Variants in EHBP1 observed in about 807,000 individuals in gnomAD.
The protein encoded by EHBP1 is EH domain binding protein 1.
Under a neutral mutation model 144.0 loss-of-function variants are expected in EHBP1, and 55 were observed. The observed-to-expected ratio is 0.38, with a 90% CI of 0.31 to 0.48. The LOEUF (loss-of-function observed/expected upper bound fraction) is 0.48. Ranked by LOEUF, EHBP1 falls within the 20% of genes least tolerant of loss-of-function variation. The pLI is 0.98. For synonymous variants in EHBP1, 469 were observed against 472.7 expected (o/e 0.99, Z 0.10); for missense variants, 1,200 against 1,364.2 (o/e 0.88, Z 1.90).
At chr2:63,034,133 A>G (rs1358298853) in intron 19 of EHBP1, among the ~76,000 whole-genome samples, 1 of 152,100 alleles carries the variant, frequency 6.6e-6, no homozygotes, top group East Asian at 1.9e-4. Flanking sequence ...GATTATATTA[A>G]GTAGTCCAAT....
intron 10 of EHBP1, among the ~76,000 whole-genome samples, chr2:62,919,089 T>C (rs1392652696): frequency 2.6e-5 from 4 of 152,214 alleles, no homozygotes; most frequent in African/African-American, 9.6e-5. Flanking sequence ...TGCACAGAGC[T>C]TGTAGAAGCC....
At chr2:62,791,640 A>G (rs2043175002) in intron 5 of EHBP1, among the ~76,000 whole-genome samples, 1 of 152,042 alleles carries the variant, frequency 6.6e-6, no homozygotes, top group African/African-American at 2.4e-5. Flanking sequence ...ATAGGTTATG[A>G]TGTCAAGTTT....
At chr2:62,751,723 G>T (rs146013993) in intron 3 of EHBP1, among the ~76,000 whole-genome samples, 24,289 of 152,128 alleles carry the variant, frequency 0.16, 2,245 homozygotes, top group Middle Eastern at 0.25. Context: ...GAGGGTGTAT[G>T]TGTCCAGGAA....
chr2:62,939,133 G>A (rs753288176), intron 10 of EHBP1, among the ~76,000 whole-genome samples: 3 of 152,230 alleles, frequency 2.0e-5, no homozygotes, highest in South Asian at 4.1e-4. Context: ...TTTAGTGAGA[G>A]CAGACAGATA....
At chr2:62,802,107 T>A (rs2044035474) in intron 5 of EHBP1, among the ~76,000 whole-genome samples, 1 of 152,238 alleles carries the variant, frequency 6.6e-6, no homozygotes, top group East Asian at 1.9e-4. Context: ...AAAACAGAAC[T>A]AATAACTGAT....
chr2:62,854,549 C>CT (rs1470233759), intron 7 of EHBP1, among the ~76,000 whole-genome samples: 1 of 152,074 alleles, frequency 6.6e-6, no homozygotes, highest in Non-Finnish European at 1.5e-5. Context: ...ATTGTTGTGT[C>CT]TGAGAAAATA....
intron 5 of EHBP1, among the ~76,000 whole-genome samples, chr2:62,783,696 G>A (rs535182374): frequency 6.6e-6 from 1 of 152,372 alleles, no homozygotes; most frequent in African/African-American, 2.4e-5. Context: ...ACACAGCAGG[G>A]GAGCCCTGGA....
At chr2:62,944,209 G>A (rs1275172963) in intron 12 of EHBP1, among the ~76,000 whole-genome samples, 3 of 152,192 alleles carry the variant, frequency 2.0e-5, no homozygotes, top group South Asian at 4.1e-4. Flanking sequence ...GGATGAGAAC[G>A]AGAGCCTAAT....
chr2:63,020,068 G>A (rs2060663290), intron 19 of EHBP1, among the ~76,000 whole-genome samples: 1 of 151,940 alleles, frequency 6.6e-6, no homozygotes, highest in Non-Finnish European at 1.5e-5. Context: ...GCTCATGCCT[G>A]TAATTCTAGC....
At chr2:62,728,955 T>C (rs1242716423) in intron 2 of EHBP1, among the ~76,000 whole-genome samples, 2 of 151,918 alleles carry the variant, frequency 1.3e-5, no homozygotes, top group African/African-American at 4.8e-5. Flanking sequence ...GTAAGGAAGG[T>C]GTCTACTTTT....
chr2:62,990,832 G>A lies in EHBP1; in HGVS notation c.2725G>A (p.Asp909Asn). 2 of 1,612,320 alleles carry A rather than the reference G, an allele frequency of 1.2e-6. No homozygotes were observed. The highest frequency in any genetic ancestry group is 2.2e-5 in the East Asian group (1 of 44,792). Residue 909 changes from aspartate to asparagine, a missense_variant, in exon 16 of 23, where the codon GAC becomes AAC. Asp to Asn is a conservative substitution (Grantham distance 23). Transcript: ENST00000431489. The stretch of plus-strand genomic sequence containing the variant: ...AGCTGTAACTGAGAGCTCAGAGCAG[G>A]ACATGAAAGTAAGTCTTACTTGTTT... ...QKAVTESSEQ[D>N]MKSGTEDLRT...
intron 14 of EHBP1, among the ~76,000 whole-genome samples, chr2:62,957,641 CTTTTTT>C (rs1157397512): frequency 4.6e-5 from 4 of 87,174 alleles, no homozygotes; most frequent in African/African-American, 2.1e-4. Context: ...AAAATAAATG[CTTTTTT>C]TTTTTTTTTT....
chr2:62,826,191 G>A lies in EHBP1; in HGVS notation c.417G>A (p.Lys139=), dbSNP rs1363202282. The change falls in exon 6 of 23, where the codon AAG becomes AAA. Residue 139 remains lysine, a synonymous_variant. Coordinates refer to ENST00000431489, the MANE Select transcript of EHBP1 (RefSeq NM_001142616.3). ...PTQTDVKLKF[K]PLSKKVVSAA... ...AGACTGATGTCAAGTTAAAATTCAA[G>A]CCATTATCTAAAAAAGTTGTATCTG... 4 of 1,611,134 alleles carry A rather than the reference G, an allele frequency of 2.5e-6. No individual in the cohort carries two copies. The Admixed American group carries it at 6.7e-5, about 27-fold the overall frequency.
At chr2:62,912,716 T>C (rs2054325539) in intron 10 of EHBP1, among the ~76,000 whole-genome samples, 1 of 152,152 alleles carries the variant, frequency 6.6e-6, no homozygotes, top group Non-Finnish European at 1.5e-5. Flanking sequence ...ACCGGTATGG[T>C]CTGAGTTTAT....
intron 1 of EHBP1, among the ~76,000 whole-genome samples, chr2:62,694,475 C>T (rs1477568682): frequency 4.0e-5 from 6 of 149,334 alleles, no homozygotes; most frequent in African/African-American, 1.5e-4. Flanking sequence ...AGACAAAAAT[C>T]ACCAAAAATA....
chr2:62,969,680 A>G (rs1192409610), intron 14 of EHBP1, among the ~76,000 whole-genome samples: 1 of 152,204 alleles, frequency 6.6e-6, no homozygotes. Flanking sequence ...AGGGTTGATC[A>G]AAGATTTAAT....
At chr2:62,843,016 T>A (rs1328260068) in intron 7 of EHBP1, among the ~76,000 whole-genome samples, 1 of 152,232 alleles carries the variant, frequency 6.6e-6, no homozygotes, top group African/African-American at 2.4e-5. Flanking sequence ...TATTCCTTAT[T>A]TTCTAAAATT....
At chr2:62,801,057 T>G (rs1203068937) in intron 5 of EHBP1, among the ~76,000 whole-genome samples, 1 of 152,246 alleles carries the variant, frequency 6.6e-6, no homozygotes, top group African/African-American at 2.4e-5. Flanking sequence ...TCCTGTTTAT[T>G]CAAAGGTTTA....
At chr2:62,799,021 A>AAG (rs1558689237) in intron 5 of EHBP1, among the ~76,000 whole-genome samples, 1 of 151,674 alleles carries the variant, frequency 6.6e-6, no homozygotes, top group East Asian at 1.9e-4. Context: ...AAAAAAAAAA[A>AAG]AAAAGAAATT....
Sources: allele counts gnomAD v4.1 joint callset (sites outside exome capture counted in the v4.1 genomes callset), GRCh38; gene constraint gnomAD v4.1.1; transcripts MANE v1.5; gene names NCBI Gene and HGNC (gene_info 2026-07-23, HGNC 2026-07-21).